Variants in SYNRG observed in about 807,000 individuals in gnomAD.
SYNRG encodes the protein AP1 gamma subunit binding protein 1.
SYNRG carries 37 observed loss-of-function variants against 130.9 expected under a neutral mutation model. The ratio of observed to expected loss-of-function variants is 0.28; its 90% CI spans 0.22 to 0.37. The LOEUF is 0.37. Among genes scored for constraint, SYNRG ranks in the 10% least tolerant of loss-of-function variants. The pLI is 1.00. For synonymous variants in SYNRG, 539 were observed against 568.1 expected, an observed-to-expected ratio of 0.95 and a Z score of 0.73; for missense variants, 1,338 against 1,588.9, an observed-to-expected ratio of 0.84 and a Z score of 2.68.
In SYNRG at chr17:37,529,717, A is replaced by C. The variant is rs913456671; in HGVS notation, c.3666+6262T>G. 2.1e-6 allele frequency: 3 copies of C among 1,462,078 alleles called. No homozygotes were observed. In the African/African-American group the frequency reaches 4.2e-5, roughly 21 times the overall value. 90.6% of individuals were successfully genotyped at this position (1,462,078 alleles called of 1,614,324 possible). A position where few individuals can be genotyped will look rare whatever the true frequency, so the allele number is the denominator to read the frequency against. On this transcript the variant is annotated intron_variant, in intron 19 of 21. Transcript: ENST00000612223. ...AGTAAACGCACAGCAGCAACCCAGG[A>C]ATCTCCCCACTTATCCTTTCCCCCA... is the stretch of plus-strand genomic sequence containing the variant.
At chr17:37,594,707 A>C (rs1461896227) in intron 3 of SYNRG, among the ~76,000 whole-genome samples, 1 of 151,896 alleles carries the variant, frequency 6.6e-6, no homozygotes, top group African/African-American at 2.4e-5. Context: ...TGATCTGCCC[A>C]CCTCAGCCTC....
chr17:37,558,759 G>A (rs888434350), intron 13 of SYNRG, among the ~76,000 whole-genome samples: 28 of 152,254 alleles, frequency 1.8e-4, no homozygotes, highest in Middle Eastern at 3.4e-3. Flanking sequence ...GAACACTGGC[G>A]TCTTGACGTC....
At chr17:37,536,231 G>GT in intron 18 of SYNRG, 104 bp from the exon 19 acceptor site, 1 of 1,322,508 alleles carries the variant, frequency 7.6e-7, no homozygotes, top group Non-Finnish European at 1.0e-6. Flanking sequence ...AACAATGGGT[G>GT]TATCTGGACA....
chr17:37,597,308 G>C (rs986408936), intron 2 of SYNRG, among the ~76,000 whole-genome samples: 4 of 152,162 alleles, frequency 2.6e-5, no homozygotes, highest in African/African-American at 9.7e-5. Flanking sequence ...TCTTGAGCCT[G>C]AACCACCCAG....
chr17:37,533,715 G>A (rs1265159748), intron 19 of SYNRG, among the ~76,000 whole-genome samples: 1 of 149,370 alleles, frequency 6.7e-6, no homozygotes, highest in Non-Finnish European at 1.5e-5. Flanking sequence ...AGCCTCCCAA[G>A]TAGCTGGGAT....
chr17:37,531,560 G>A (rs939461912), intron 19 of SYNRG, among the ~76,000 whole-genome samples: 1 of 152,092 alleles, frequency 6.6e-6, no homozygotes. Context: ...TGGATTCCTT[G>A]AGCCCACGGA....
chr17:37,559,068 A>G (rs930075046), intron 13 of SYNRG, among the ~76,000 whole-genome samples: 21 of 152,244 alleles, frequency 1.4e-4, no homozygotes, highest in Admixed American at 1.4e-3. Context: ...ATGAAGGAAA[A>G]TCCTAGCTAA....
In SYNRG at chr17:37,553,573, T is replaced by C. The variant is rs2145377368; in HGVS notation, c.2150A>G (p.Glu717Gly). The change falls in exon 14 of 22, where the codon GAG becomes GGG. Residue 717 changes from glutamate to glycine, a missense_variant. Around this residue, in one of 3 missense-constraint regions of SYNRG, gnomAD observed 1,146 missense variants for 1,342.3 expected, o/e 0.85. Transcript: ENST00000612223. ...KPDDKYDALK[E>G]EASPVPLTSN... ...GGTTAGAGGAACAGGACTGGCTTCC[T>C]CTTTAAGGGCATCATATTTGTCATC... The C allele has an allele frequency of 1.2e-6, 2 of 1,614,180 alleles. No individual in the cohort carries two copies. Among genetic ancestry groups the C allele is most frequent in the East Asian group, 4.5e-5 (2 of 44,890 alleles).
intron 19 of SYNRG, among the ~76,000 whole-genome samples, chr17:37,522,493 G>C (rs2055226317): frequency 6.6e-6 from 1 of 150,858 alleles, no homozygotes; most frequent in Non-Finnish European, 1.5e-5. Flanking sequence ...TTTGAGACAG[G>C]GTCTCACTCT....
Position 37,542,136 on chromosome 17 carries a change from G to A in SYNRG, c.3038C>T (p.Ser1013Phe). The change falls in exon 15 of 22, where the codon TCT becomes TTT. Residue 1013 changes from serine to phenylalanine, a missense_variant. Physicochemically the swap from Ser to Phe is radical, Grantham distance 155. This residue lies in a region of SYNRG where 1,146 missense variants were observed against 1,342.3 expected (regional missense o/e 0.85). Coordinates refer to ENST00000612223, the MANE Select transcript of SYNRG (RefSeq NM_007247.6). ...TCPSPASSGASQETPNECSDD... is the reference protein window; with the variant it reads ...TCPSPASSGAFQETPNECSDD... The stretch of plus-strand genomic sequence containing the variant: ...CGAACATTCGTTCGGGGTTTCTTGA[G>A]AGGCACCACTGGACGCTGGGCTGGG... 1 of 1,614,214 alleles carries A rather than the reference G, an allele frequency of 6.2e-7. No homozygotes were observed. The highest frequency in any genetic ancestry group is 1.1e-5 in the South Asian group (1 of 91,088).
chr17:37,570,518 C>A, intron 10 of SYNRG, 119 bp downstream of exon 10: 1 of 1,324,408 alleles, frequency 7.6e-7, no homozygotes, highest in Non-Finnish European at 1.0e-6. Flanking sequence ...AAAGATACAA[C>A]CTAAGAATTT....
At chr17:37,563,656 T>C (rs1341556681) in intron 11 of SYNRG, among the ~76,000 whole-genome samples, 1 of 152,050 alleles carries the variant, frequency 6.6e-6, no homozygotes, top group Non-Finnish European at 1.5e-5. Context: ...GCATCCCAAG[T>C]AGGTGGGACA....
chr17:37,537,994 T>C (rs1350909377), intron 18 of SYNRG, among the ~76,000 whole-genome samples: 1 of 152,190 alleles, frequency 6.6e-6, no homozygotes, highest in Non-Finnish European at 1.5e-5. Flanking sequence ...AGAGAAAGAA[T>C]ATAGAGTATG....
At chr17:37,569,748 G>A (rs2060279031) in intron 10 of SYNRG, among the ~76,000 whole-genome samples, 1 of 149,158 alleles carries the variant, frequency 6.7e-6, no homozygotes, top group African/African-American at 2.5e-5. Context: ...CAAATTAAGT[G>A]ACACAAGCTC....
chr17:37,600,677 C>A (rs140720324), intron 1 of SYNRG: 16 of 549,662 alleles, frequency 2.9e-5, no homozygotes, highest in Non-Finnish European at 4.6e-5. Context: ...CCAGTTTCCC[C>A]ATCTATAAAA....
Position 37,570,785 on chromosome 17 carries a change from C to T in SYNRG, c.1199G>A (p.Ser400Asn). ...GFSMTLPTPV[S>N]QPTVIPSGPA... ...ACCTGAAGGTATCACAGTTGGCTGA[C>T]TCACCGGTGTAGGCAGAGTCATAGA... Residue 400 changes from serine (S) to asparagine (N), a missense_variant, in exon 10 of 22, where the codon AGT becomes AAT. Coordinates refer to ENST00000612223, the MANE Select transcript of SYNRG (RefSeq NM_007247.6). 2 of 1,614,198 alleles carry T rather than the reference C, an allele frequency of 1.2e-6. No homozygotes were observed. The highest frequency in any genetic ancestry group is 1.1e-5 in the South Asian group (1 of 91,084).
chr17:37,524,260 G>A (rs1363633586), intron 19 of SYNRG, among the ~76,000 whole-genome samples: 2 of 152,034 alleles, frequency 1.3e-5, no homozygotes, highest in South Asian at 2.1e-4. Context: ...TTTCCACGTC[G>A]TTTTTGAGCA....
intron 6 of SYNRG, 79 bp from the exon 7 acceptor site, chr17:37,577,692 ATTC>A (rs2060950996): frequency 9.1e-6 from 7 of 770,428 alleles, no homozygotes; most frequent in African/African-American, 4.7e-5. Flanking sequence ...CCACCCCCAT[ATTC>A]TTTTTTTTTT....
chr17:37,580,371 T>G (rs1443140360), intron 6 of SYNRG, among the ~76,000 whole-genome samples: 1 of 151,712 alleles, frequency 6.6e-6, no homozygotes, highest in Non-Finnish European at 1.5e-5. Context: ...CTCAGCTCAC[T>G]GAAACCTCTG....
Sources: gnomAD v4.1 joint callset for allele counts (sites outside exome capture counted in the v4.1 genomes callset) on GRCh38, gnomAD v4.1.1 for gene constraint, gnomAD v4.1.1 regional missense constraint, MANE v1.5 for transcripts, NCBI Gene and HGNC (gene_info 2026-07-23, HGNC 2026-07-21) for gene names.